The following RARA variants were observed in gnomAD, a reference collection of about 807,000 sequenced individuals.
RARA encodes PML-DDX5-RARA fusion.
RARA carries 5 observed loss-of-function variants against 42.8 expected under a neutral mutation model. The ratio of observed to expected loss-of-function variants is 0.12; its 90% confidence interval spans 0.06 to 0.25. RARA has a LOEUF of 0.25. Ranked by LOEUF, RARA falls within the 10% of genes least tolerant of loss-of-function variation. The probability of loss-of-function intolerance (pLI) is 1.00; values close to 1 mark genes in which losing one functional copy is unlikely to be tolerated. For missense variants in RARA, 402 were observed against 628.7 expected (o/e 0.64, Z 3.86); for synonymous variants, 256 against 259.5 (o/e 0.99, Z 0.13).
intron 2 of RARA, chr17:40,342,990 C>A: frequency 1.4e-6 from 2 of 1,460,724 alleles, no homozygotes; most frequent in Non-Finnish European, 1.8e-6. Context: ...TTTCACTTAA[C>A]CCGTGTTGCC....
intron 1 of RARA, among the ~76,000 whole-genome samples, chr17:40,329,047 C>G (rs1255755321): frequency 6.6e-6 from 1 of 152,150 alleles, no homozygotes; most frequent in Non-Finnish European, 1.5e-5. Flanking sequence ...TATGAGGATT[C>G]CAATTTCTCC....
chr17:40,309,887 C>T (rs75309102), intron 1 of RARA, among the ~76,000 whole-genome samples: 2,299 of 152,312 alleles, frequency 0.015, 29 homozygotes, highest in Non-Finnish European at 0.023. Flanking sequence ...TTAGAGCCCC[C>T]ATCCATGTCA....
chr17:40,342,791 C>G, intron 2 of RARA: 2 of 1,612,906 alleles, frequency 1.2e-6, no homozygotes, highest in Non-Finnish European at 1.7e-6. Context: ...CCTGTTTGCT[C>G]CCAGAGAAGG....
At chr17:40,336,207 A>C (rs1290421740) in intron 2 of RARA, among the ~76,000 whole-genome samples, 1 of 151,802 alleles carries the variant, frequency 6.6e-6, no homozygotes, top group Non-Finnish European at 1.5e-5. Context: ...CCTCCTGAGT[A>C]GCTGGGATTA....
chr17:40,331,405 G>A lies in RARA; in HGVS notation c.178+9G>A, dbSNP rs377298607. ...CACACCATCCCCAGCCAGTAAGTCT[G>A]GGTGTGGGGGCTGGGGTGGGAAGGG... On this transcript the variant is annotated intron_variant, in intron 2 of 8. Transcript: ENST00000254066. 2.5e-6 allele frequency: 4 copies of A among 1,611,114 alleles called. No homozygotes were observed. Among genetic ancestry groups the A allele is most frequent in the East Asian group, 2.2e-5 (1 of 44,788 alleles).
In RARA at chr17:40,341,761, C is replaced by A. The variant is rs1040380900; in HGVS notation, c.179-6555C>A. 1.0e-5 allele frequency: 13 copies of A among 1,286,710 alleles called. No individual in the cohort carries two copies. The Admixed American group carries it at 2.9e-4, about 29-fold the overall frequency. The allele number at this position is 1,286,710 out of a possible 1,614,324, so 79.7% of individuals were successfully genotyped here. ...GACCACCCCCCTCTTCCCCGCCCCA[C>A]CACCTCCTCCACCACGGCTTCGCTC... On this transcript the variant is annotated intron_variant, in intron 2 of 8. Coordinates refer to ENST00000254066, the MANE Select transcript of RARA (RefSeq NM_000964.4).
intron 1 of RARA, among the ~76,000 whole-genome samples, chr17:40,309,788 T>C (rs761375241): frequency 6.6e-5 from 10 of 152,206 alleles, no homozygotes; most frequent in Non-Finnish European, 1.3e-4. Context: ...CAGGTTCATC[T>C]CACACTTGGG....
Position 40,356,163 on chromosome 17 carries a change from C to T in RARA, c.1326C>T (p.Gly442=). Residue 442 remains glycine (G), a synonymous_variant, in exon 9 of 9, where the codon GGC becomes GGT. Transcript: ENST00000254066. ...RDGGGLAPPP[G]SCSPSLSPSS... Reference sequence around the variant, plus strand: ...GGGGTGGCCTGGCCCCCCCGCCAGGCAGCTGTAGCCCCAGCCTCAGCCCCA... The same window carrying T: ...GGGGTGGCCTGGCCCCCCCGCCAGGTAGCTGTAGCCCCAGCCTCAGCCCCA... The T allele has an allele frequency of 6.4e-7, 1 of 1,552,252 alleles. No homozygotes were observed. The highest frequency in any genetic ancestry group is 2.4e-5 in the East Asian group (1 of 41,372).
intron 1 of RARA, among the ~76,000 whole-genome samples, chr17:40,314,027 C>G (rs1389168913): frequency 6.6e-6 from 1 of 152,166 alleles, no homozygotes; most frequent in Non-Finnish European, 1.5e-5. Flanking sequence ...CTGTTGGTCT[C>G]TGTCTCATTC....
rs1291656916 is a variant in RARA, at chr17:40,351,782, G to A, written c.470-128G>A. On this transcript the variant is annotated intron_variant, in intron 4 of 8. Coordinates refer to ENST00000254066, the MANE Select transcript of RARA (RefSeq NM_000964.4). The surrounding 1 kb of genome is among the most constrained non-coding windows in gnomAD (Gnocchi z 4.1). ...CAATGCCTTGCCTGCCCGTGAACGC[G>A]TGCTGTGTGCGCGTGCTTACAAGCC... 3.2e-6 allele frequency: 4 copies of A among 1,258,272 alleles called. No individual in the cohort carries two copies. Among genetic ancestry groups the A allele is most frequent in the African/African-American group, 3.1e-5 (2 of 65,394 alleles). 77.9% of individuals were successfully genotyped at this position (1,258,272 alleles called of 1,614,324 possible).
intron 2 of RARA, among the ~76,000 whole-genome samples, chr17:40,336,719 G>A (rs549247538): frequency 2.7e-5 from 4 of 147,796 alleles, no homozygotes; most frequent in African/African-American, 7.5e-5. Flanking sequence ...TTTTTGAGAC[G>A]GAGTCTCATT....
Position 40,355,205 on chromosome 17 carries a change from C to G in RARA, c.1013-58C>G. On this transcript the variant is annotated intron_variant, in intron 7 of 8. Transcript: ENST00000254066. This position sits in a 1 kb window ranked among gnomAD's most constrained non-coding sequence, Gnocchi z 4.1. ...CTGGGCAGGCACGCCCCCCGGTGGC[C>G]GAGGCTGGGGGTGCAGCTGTGTTCC... 1 of 1,505,718 alleles carries G rather than the reference C, an allele frequency of 6.6e-7. No individual in the cohort carries two copies. The highest frequency in any genetic ancestry group is 2.2e-5 in the Admixed American group (1 of 45,766). 93.3% of individuals were successfully genotyped at this position (1,505,718 alleles called of 1,614,324 possible).
In RARA at chr17:40,355,698, C is replaced by T. The variant is rs867874759; in HGVS notation, c.1171+277C>T. 3.9e-5 allele frequency among the ~76,000 whole-genome samples: 6 copies of T among 152,184 alleles called. No individual in the cohort carries two copies. The highest frequency in any genetic ancestry group is 2.1e-4 in the South Asian group (1 of 4,832). ...CTAGCTACAGTTTCCCTTCCGAGGG[C>T]GGGGATAACATTCGTGTTTACAGAG... is the stretch of plus-strand genomic sequence containing the variant. On this transcript the variant is annotated intron_variant, in intron 8 of 8. Coordinates refer to ENST00000254066, the MANE Select transcript of RARA (RefSeq NM_000964.4). This position sits in a 1 kb window ranked among gnomAD's most constrained non-coding sequence, Gnocchi z 4.1.
Position 40,351,892 on chromosome 17 carries a change from C to T in RARA, c.470-18C>T, listed in dbSNP as rs753861439. 37 of 1,602,280 alleles carry T rather than the reference C, an allele frequency of 2.3e-5. No homozygotes were observed. Among genetic ancestry groups the T allele is most frequent in the South Asian group, 4.5e-5 (4 of 89,372 alleles). On this transcript the variant is annotated intron_variant, in intron 4 of 8. Transcript: ENST00000254066. The surrounding 1 kb of genome is among the most constrained non-coding windows in gnomAD (Gnocchi z 4.1). ...AGCAGCCTGCAGCTGCCCTCTTAAC[C>T]CCCTCTGCCCTCCACAGCTGTGAGA...
In RARA at chr17:40,331,236, C is replaced by T. The variant is rs770268838; in HGVS notation, c.18C>T (p.Ser6=). The change falls in exon 2 of 9, where the codon AGC becomes AGT. Residue 6 remains serine (S), a synonymous_variant. Coordinates refer to ENST00000254066, the MANE Select transcript of RARA (RefSeq NM_000964.4). The stretch of plus-strand genomic sequence containing the variant: ...CGCTTGGCATGGCCAGCAACAGCAG[C>T]TCCTGCCCGACACCTGGGGGCGGGC... MASNS[S]SCPTPGGGHL... 8.1e-6 allele frequency: 13 copies of T among 1,612,448 alleles called. No individual in the cohort carries two copies. The highest frequency in any genetic ancestry group is 1.0e-5 in the Non-Finnish European group (12 of 1,179,610).
intron 2 of RARA, among the ~76,000 whole-genome samples, chr17:40,346,349 G>A (rs1002352207): frequency 2.0e-5 from 3 of 151,888 alleles, no homozygotes; most frequent in Admixed American, 6.6e-5. Context: ...CTCCAGTCTG[G>A]TTCATTTTAG....
Position 40,342,158 on chromosome 17 carries a change from G to T in RARA, c.179-6158G>T, listed in dbSNP as rs922072306. The T allele has an allele frequency of 4.3e-5, 44 of 1,029,512 alleles. No individual in the cohort carries two copies. The African/African-American group carries it at 6.5e-4, about 15-fold the overall frequency. The allele number at this position is 1,029,512 out of a possible 1,614,324, so 63.8% of individuals were successfully genotyped here. On this transcript the variant is annotated intron_variant, in intron 2 of 8. Transcript: ENST00000254066. ...GGGCGCGCAGAGCTGGGGTGGGGGG[G>T]CCGTGGCGCGTACCACCAGAGACCG...
intron 1 of RARA, among the ~76,000 whole-genome samples, chr17:40,323,760 G>A (rs1442201621): frequency 1.7e-5 from 2 of 116,216 alleles, no homozygotes; most frequent in East Asian, 5.8e-4. Context: ...CGGAGGGGGG[G>A]TATGGGGCAG....
Position 40,351,888 on chromosome 17 carries a change from T to G in RARA, c.470-22T>G. ...CCTGAGCAGCCTGCAGCTGCCCTCT[T>G]AACCCCCTCTGCCCTCCACAGCTGT... is the stretch of plus-strand genomic sequence containing the variant. On this transcript the variant is annotated intron_variant, in intron 4 of 8. Coordinates refer to ENST00000254066, the MANE Select transcript of RARA (RefSeq NM_000964.4). The surrounding 1 kb of genome is among the most constrained non-coding windows in gnomAD (Gnocchi z 4.1). 6.2e-7 allele frequency: 1 copy of G among 1,601,352 alleles called. No individual in the cohort carries two copies. The highest frequency in any genetic ancestry group is 2.2e-5 in the East Asian group (1 of 44,776).
Sources: allele counts gnomAD v4.1 joint callset (sites outside exome capture counted in the v4.1 genomes callset), GRCh38; gene constraint gnomAD v4.1.1; non-coding constraint Gnocchi (gnomAD v3.1); transcripts MANE v1.5; gene names NCBI Gene and HGNC (gene_info 2026-07-23, HGNC 2026-07-21).